The following RIC1 variants were observed in gnomAD, a reference collection of about 807,000 sequenced individuals.
The protein encoded by RIC1 is guanine nucleotide exchange factor subunit RIC1.
In RIC1, 88 loss-of-function variants were observed where a neutral mutation model predicts 169.0. The ratio of observed to expected loss-of-function variants is 0.52; its 90% CI spans 0.44 to 0.62. The LOEUF (loss-of-function observed/expected upper bound fraction) is 0.62, where lower values mean the gene tolerates loss of function less well. Ranked by LOEUF, RIC1 falls within the 20% of genes least tolerant of loss-of-function variation. The pLI is 0.00. For synonymous variants in RIC1, 790 were observed against 601.5 expected (o/e 1.31, Z -4.59); for missense variants, 1,877 against 1,725.5 (o/e 1.09, Z -1.56).
downstream of RIC1, chr9:5,776,559 T>G (rs1409552178): frequency 6.6e-6 from 1 of 152,086 alleles, no homozygotes; most frequent in Middle Eastern, 3.2e-3. Context: ...TTACACAAAC[T>G]TTGGTTTATT....
chr9:5,697,839 G>A (rs1236258993), intron 3 of RIC1, among the ~76,000 whole-genome samples: 2 of 152,176 alleles, frequency 1.3e-5, no homozygotes, highest in Non-Finnish European at 2.9e-5. Context: ...CACTGCTACT[G>A]AAGATGCTAA....
At chr9:5,633,061 C>G (rs558119625) in intron 1 of RIC1, among the ~76,000 whole-genome samples, 1 of 152,226 alleles carries the variant, frequency 6.6e-6, no homozygotes, top group East Asian at 1.9e-4. Context: ...TGTGAGATAT[C>G]ACTGTTGTAG....
At chr9:5,632,726 G>A (rs1364862820) in intron 1 of RIC1, among the ~76,000 whole-genome samples, 1 of 152,144 alleles carries the variant, frequency 6.6e-6, no homozygotes, top group Non-Finnish European at 1.5e-5. Flanking sequence ...GTTGCATAAG[G>A]TAGGTTATGA....
chr9:5,771,565 T>C (rs534680763), intron 23 of RIC1, among the ~76,000 whole-genome samples: 4 of 151,098 alleles, frequency 2.6e-5, no homozygotes, highest in African/African-American at 9.6e-5. Context: ...TGCTGGGTCA[T>C]AATTCTACTT....
chr9:5,748,845 G>C lies in RIC1; in HGVS notation c.1452+1340G>C, dbSNP rs148334188. On this transcript the variant is annotated intron_variant, in intron 12 of 25. Transcript: ENST00000414202. Reference sequence around the variant, plus strand: ...CATATAAGAGAAACATTTTAACACTGATTTTAGGACTTTGGGTACTAGCAA... The same window carrying C: ...CATATAAGAGAAACATTTTAACACTCATTTTAGGACTTTGGGTACTAGCAA... 2.2e-3 allele frequency: 337 copies of C among 152,378 alleles called. 2 individuals carry two copies. The highest frequency in any genetic ancestry group is 7.9e-3 in the African/African-American group (327 of 41,552). 9.4% of individuals were successfully genotyped at this position (152,378 alleles called of 1,614,324 possible).
At chr9:5,656,558 C>CT (rs74333480) in intron 1 of RIC1, 25 bp from the exon 2 acceptor site, 57,583 of 931,386 alleles carry the variant, frequency 0.062, 2 homozygotes, top group South Asian at 0.07. Flanking sequence ...AAAAATACAA[C>CT]TTTTTTTTTT....
At chr9:5,672,022 T>C (rs1215581538) in intron 2 of RIC1, among the ~76,000 whole-genome samples, 6 of 152,136 alleles carry the variant, frequency 3.9e-5, no homozygotes, top group African/African-American at 1.4e-4. Flanking sequence ...AGAGTAGAGG[T>C]TGCACAGGTG....
At chr9:5,711,213 C>G (rs1437585508) in intron 3 of RIC1, among the ~76,000 whole-genome samples, 1 of 152,088 alleles carries the variant, frequency 6.6e-6, no homozygotes, top group East Asian at 1.9e-4. Context: ...TCATTGAACT[C>G]CACAGCCACA....
intron 2 of RIC1, among the ~76,000 whole-genome samples, chr9:5,684,354 C>T (rs1205656265): frequency 1.5e-5 from 2 of 130,666 alleles, no homozygotes; most frequent in Non-Finnish European, 3.1e-5. Context: ...ATTGGGATTA[C>T]ATTGAATCTT....
At chr9:5,739,453 G>A (rs1446038524) in intron 8 of RIC1, among the ~76,000 whole-genome samples, 1 of 152,050 alleles carries the variant, frequency 6.6e-6, no homozygotes, top group Non-Finnish European at 1.5e-5. Context: ...CTACTCTCCA[G>A]ATTTCTATTT....
chr9:5,694,300 A>T (rs761845676), intron 3 of RIC1, among the ~76,000 whole-genome samples: 1 of 152,128 alleles, frequency 6.6e-6, no homozygotes, highest in South Asian at 2.1e-4. Flanking sequence ...TTCCCTCAAT[A>T]TATGTTTCTT....
intron 3 of RIC1, 80 bp downstream of exon 3, chr9:5,690,118 C>G (rs1821508271): frequency 5.8e-5 from 55 of 941,086 alleles, no homozygotes; most frequent in Non-Finnish European, 8.6e-5. Context: ...TTTGAGTTGT[C>G]TGTAGTGATT....
At chr9:5,643,377 A>G (rs989975397) in intron 1 of RIC1, among the ~76,000 whole-genome samples, 5 of 152,294 alleles carry the variant, frequency 3.3e-5, no homozygotes, top group South Asian at 2.1e-4. Context: ...GAGTGATTCT[A>G]TATGAATGAC....
chr9:5,651,930 T>G (rs1235733728), intron 1 of RIC1, among the ~76,000 whole-genome samples: 1 of 152,224 alleles, frequency 6.6e-6, no homozygotes, highest in Non-Finnish European at 1.5e-5. Context: ...TTCATTCTTT[T>G]GCATGTGGCT....
chr9:5,728,743 C>G (rs554265965), intron 6 of RIC1, among the ~76,000 whole-genome samples: 3 of 152,316 alleles, frequency 2.0e-5, no homozygotes, highest in South Asian at 4.1e-4. Context: ...TGCTTGCTTA[C>G]TATAATCTTT....
At position 5,732,625 on chromosome 9, in the gene RIC1, A is replaced by G. The variant is rs1359970286; in HGVS notation, c.812+146A>G. On this transcript the variant is annotated intron_variant, in intron 7 of 25. Coordinates refer to ENST00000414202, the MANE Select transcript of RIC1 (RefSeq NM_020829.4). The stretch of plus-strand genomic sequence containing the variant: ...TCAGTCAACCTTAATATGAAATGTA[A>G]AAGTATTTTATTAGATTGAAACAAA... The G allele has an allele frequency of 7.1e-5, 35 of 491,458 alleles. No homozygotes were observed. In the East Asian group the frequency reaches 1.1e-3, roughly 15 times the overall value. The allele number at this position is 491,458 out of a possible 1,614,324, so 30.4% of individuals were successfully genotyped here.
chr9:5,715,529 G>C (rs1370711403), intron 4 of RIC1, among the ~76,000 whole-genome samples: 1 of 152,074 alleles, frequency 6.6e-6, no homozygotes, highest in Non-Finnish European at 1.5e-5. Context: ...TTTGAAATTT[G>C]CTATAGATTT....
chr9:5,669,930 A>G (rs1819993147), intron 2 of RIC1, among the ~76,000 whole-genome samples: 1 of 152,194 alleles, frequency 6.6e-6, no homozygotes, highest in African/African-American at 2.4e-5. Flanking sequence ...TCAGATATCA[A>G]GTGTGGGGGT....
At chr9:5,671,312 C>G (rs1453989521) in intron 2 of RIC1, among the ~76,000 whole-genome samples, 1 of 150,972 alleles carries the variant, frequency 6.6e-6, no homozygotes, top group African/African-American at 2.4e-5. Context: ...CTCTGTCACC[C>G]AGACTGGAGT....
Sources: allele counts gnomAD v4.1 joint callset (sites outside exome capture counted in the v4.1 genomes callset), GRCh38; gene constraint gnomAD v4.1.1; transcripts MANE v1.5; gene names NCBI Gene and HGNC (gene_info 2026-07-23, HGNC 2026-07-21).